The following EGFLAM variants were observed in gnomAD, a reference collection of about 807,000 sequenced individuals.
The protein encoded by EGFLAM is pikachurin.
Under a neutral mutation model 113.1 loss-of-function variants are expected in EGFLAM, and 79 were observed. The observed-to-expected ratio is 0.70, with a 90% CI of 0.58 to 0.84. EGFLAM has a LOEUF of 0.84. Among genes scored for constraint, EGFLAM ranks in the 40% least tolerant of loss-of-function variants. The pLI is 0.00. For missense variants in EGFLAM, 1,265 were observed against 1,291.6 expected (o/e 0.98, Z 0.32); for synonymous variants, 504 against 487.6 (o/e 1.03, Z -0.44).
chr5:38,271,185 T>C lies in EGFLAM; in HGVS notation c.97+12334T>C, dbSNP rs116547834. On this transcript the variant is annotated intron_variant, in intron 1 of 21. Transcript: ENST00000322350. ...AAGGATCAGGCCACTATAGTAGTAA[T>C]AGATTTTTCAGGCATCAGCTGCATG... 7.5e-3 allele frequency among the ~76,000 whole-genome samples: 1,137 copies of C among 152,274 alleles called. 7 individuals are homozygous for C. Among genetic ancestry groups the C allele is most frequent in the African/African-American group, 0.025 (1,052 of 41,554 alleles).
At chr5:38,332,594 A>G (rs558017112) in intron 1 of EGFLAM, among the ~76,000 whole-genome samples, 5 of 152,352 alleles carry the variant, frequency 3.3e-5, no homozygotes, top group African/African-American at 1.2e-4. Flanking sequence ...AAAGCCCCAA[A>G]CAGAGATTTA....
rs1742301758 is a variant in EGFLAM, at chr5:38,435,138, G to A, written c.2168G>A (p.Gly723Glu). ...GCTTTGTTTTTAATCTTTTGGCAGG[G>A]AGGCTTCACACAGATTAAGTGCAAC... ...KQKIVEGMAE[G>E]GFTQIKCNTD... Residue 723 changes from glycine to glutamate, a missense_variant and splice_region_variant, in exon 16 of 22, where the codon GGA (glycine) becomes GAA (glutamate). Gly to Glu is a moderately conservative substitution (Grantham distance 98, BLOSUM62 -2). Transcript: ENST00000322350. 1.9e-6 allele frequency: 3 copies of A among 1,613,054 alleles called. No homozygotes were observed. Among genetic ancestry groups the A allele is most frequent in the Non-Finnish European group, 1.7e-6 (2 of 1,179,102 alleles).
intron 10 of EGFLAM, among the ~76,000 whole-genome samples, chr5:38,410,515 T>G (rs898615319): frequency 6.6e-6 from 1 of 152,218 alleles, no homozygotes; most frequent in Non-Finnish European, 1.5e-5. Flanking sequence ...GCCTGAGAAG[T>G]GGCTGCAGTT....
At chr5:38,450,608 A>T (rs1742881554) in intron 18 of EGFLAM, among the ~76,000 whole-genome samples, 2 of 152,240 alleles carry the variant, frequency 1.3e-5, no homozygotes, top group African/African-American at 2.4e-5. Flanking sequence ...TGCAAGATGA[A>T]ACACTGATCA....
At chr5:38,373,625 A>G (rs2112042395) in intron 6 of EGFLAM, among the ~76,000 whole-genome samples, 1 of 152,324 alleles carries the variant, frequency 6.6e-6, no homozygotes, top group Admixed American at 6.5e-5. Context: ...AATATTCTGT[A>G]GTGTATATAT....
intron 19 of EGFLAM, 50 bp from the exon 20 acceptor site, chr5:38,458,261 G>A (rs758880800): frequency 6.4e-7 from 1 of 1,555,556 alleles, no homozygotes; most frequent in Non-Finnish European, 8.8e-7. Flanking sequence ...GTCTGCTTAT[G>A]CCTCAGTGTT....
chr5:38,348,761 T>C (rs1739540606), intron 3 of EGFLAM, among the ~76,000 whole-genome samples: 2 of 151,942 alleles, frequency 1.3e-5, no homozygotes, highest in East Asian at 3.9e-4. Flanking sequence ...TTGAGCATAG[T>C]AAATACAGAA....
intron 6 of EGFLAM, among the ~76,000 whole-genome samples, chr5:38,375,838 T>C (rs1740351134): frequency 6.6e-6 from 1 of 152,072 alleles, no homozygotes; most frequent in East Asian, 1.9e-4. Context: ...CACAACATTA[T>C]AAGTAGAACA....
intron 6 of EGFLAM, among the ~76,000 whole-genome samples, chr5:38,392,347 C>T (rs1740835311): frequency 1.3e-5 from 2 of 152,136 alleles, no homozygotes; most frequent in South Asian, 4.1e-4. Flanking sequence ...TTTTCTTTAT[C>T]CACTCTGTCA....
intron 6 of EGFLAM, among the ~76,000 whole-genome samples, chr5:38,376,196 G>A (rs974228928): frequency 6.6e-6 from 1 of 152,182 alleles, no homozygotes; most frequent in Non-Finnish European, 1.5e-5. Flanking sequence ...CAACTACTGA[G>A]CTTGAAGCTT....
chr5:38,434,347 C>T (rs949217094), intron 15 of EGFLAM, among the ~76,000 whole-genome samples: 7 of 152,210 alleles, frequency 4.6e-5, no homozygotes, highest in Non-Finnish European at 1.0e-4. Context: ...ATATCACCTG[C>T]TCTTTTACTT....
intron 13 of EGFLAM, 147 bp downstream of exon 13, chr5:38,425,239 C>T (rs557083284): frequency 9.8e-6 from 12 of 1,220,824 alleles, no homozygotes; most frequent in South Asian, 3.2e-5. Context: ...AGTGCAGTGG[C>T]GCATCTCGGC....
intron 17 of EGFLAM, among the ~76,000 whole-genome samples, chr5:38,442,397 A>T: frequency 6.8e-6 from 1 of 147,518 alleles, no homozygotes; most frequent in East Asian, 1.9e-4. Flanking sequence ...TAAATATGAA[A>T]TTTTAATATA....
At chr5:38,304,367 C>A (rs1758672160) in intron 1 of EGFLAM, among the ~76,000 whole-genome samples, 2 of 152,172 alleles carry the variant, frequency 1.3e-5, no homozygotes, top group South Asian at 4.2e-4. Context: ...TCCCTCTTCC[C>A]AAAAGACTAG....
At chr5:38,413,133 C>T (rs1741537243) in intron 11 of EGFLAM, among the ~76,000 whole-genome samples, 1 of 151,954 alleles carries the variant, frequency 6.6e-6, no homozygotes, top group Admixed American at 6.6e-5. Flanking sequence ...ACCATCCCGC[C>T]TCAGGCTCCC....
rs1388992358 is a variant in EGFLAM at position 38,387,227 on chromosome 5, T to TA, written c.712+16767dup. Among the ~76,000 whole-genome samples the TA allele has an allele frequency of 3.9e-5, 6 of 152,306 alleles. No homozygotes were observed. The East Asian group carries it at 1.2e-3, about 29-fold the overall frequency. ...CCCATCCTGCAGCTCACTGTTGGGC[T>TA]AATATAAAACCACCTCCACTGGCTT... On this transcript the variant is annotated intron_variant, in intron 6 of 21. Transcript: ENST00000322350.
At chr5:38,419,690 A>G (rs1741765807) in intron 12 of EGFLAM, among the ~76,000 whole-genome samples, 1 of 152,172 alleles carries the variant, frequency 6.6e-6, no homozygotes, top group Admixed American at 6.5e-5. Flanking sequence ...GATCTTTCCA[A>G]GGTTATTGTG....
chr5:38,334,592 A>G (rs1343312757), intron 1 of EGFLAM, among the ~76,000 whole-genome samples: 1 of 152,186 alleles, frequency 6.6e-6, no homozygotes, highest in African/African-American at 2.4e-5. Flanking sequence ...GAAGGACACA[A>G]ATGTTTTCTC....
chr5:38,459,658 G>A (rs960121930), intron 20 of EGFLAM, among the ~76,000 whole-genome samples: 8 of 152,162 alleles, frequency 5.3e-5, no homozygotes, highest in Non-Finnish European at 8.8e-5. Flanking sequence ...AGTCATGAGT[G>A]AGGCCTGGGA....
Sources: allele counts gnomAD v4.1 joint callset (sites outside exome capture counted in the v4.1 genomes callset), GRCh38; gene constraint gnomAD v4.1.1; transcripts MANE v1.5; gene names NCBI Gene and HGNC (gene_info 2026-07-23, HGNC 2026-07-21).